The following GLIS3 variants were observed in gnomAD, a reference collection of about 807,000 sequenced individuals.
The protein encoded by GLIS3 is GLIS family zinc finger 3.
GLIS3 carries 53 observed loss-of-function variants against 78.6 expected under a neutral mutation model. That is an observed-to-expected ratio of 0.67 (90% CI 0.54 to 0.85). The LOEUF (loss-of-function observed/expected upper bound fraction) is 0.85. Ranked by LOEUF, GLIS3 falls within the 40% of genes least tolerant of loss-of-function variation. The pLI is 0.00. For missense variants in GLIS3, 1,703 were observed against 1,231.1 expected (o/e 1.38, Z -5.74); for synonymous variants, 684 against 509.9 (o/e 1.34, Z -4.60).
At chr9:4,327,781 G>C (rs887101163) in intron 2 of GLIS3, among the ~76,000 whole-genome samples, 15 of 152,206 alleles carry the variant, frequency 9.9e-5, no homozygotes, top group African/African-American at 2.9e-4. Flanking sequence ...CAGTAGGCAA[G>C]AAGTGTCTCC....
At chr9:4,147,955 A>G (rs1016786539) in intron 2 of GLIS3, among the ~76,000 whole-genome samples, 2 of 152,232 alleles carry the variant, frequency 1.3e-5, no homozygotes, top group Non-Finnish European at 2.9e-5. Flanking sequence ...TTCATTTTGC[A>G]CACATCTCTA....
At position 4,137,388 on chromosome 9, in the gene GLIS3, T is replaced by C. The variant is rs575828971; in HGVS notation, c.389-11447A>G. Among the ~76,000 whole-genome samples the C allele has an allele frequency of 1.8e-3, 270 of 152,332 alleles. 2 individuals are homozygous for C. Among genetic ancestry groups the C allele is most frequent in the African/African-American group, 6.3e-3 (264 of 41,576 alleles). On this transcript the variant is annotated intron_variant, in intron 2 of 10. Transcript: ENST00000381971. ...TTTCATACCAACATTCTTCCAACCT[T>C]AGTCAGCATTCAGGAATGCTGTCCA... is the stretch of plus-strand genomic sequence containing the variant.
chr9:3,828,501 G>T (rs1817853648), intron 10 of GLIS3, 93 bp from the exon 11 acceptor site: 1 of 1,534,352 alleles, frequency 6.5e-7, no homozygotes, highest in Admixed American at 1.7e-5. Context: ...ACCAAGTGAG[G>T]ACTGGGGGCT....
At chr9:4,036,272 CTT>C (rs574580834) in intron 4 of GLIS3, among the ~76,000 whole-genome samples, 1 of 149,888 alleles carries the variant, frequency 6.7e-6, no homozygotes, top group African/African-American at 2.4e-5. Flanking sequence ...AATCAAATCT[CTT>C]TTTTTTTTCT....
chr9:4,255,263 G>C (rs541798120), intron 2 of GLIS3, among the ~76,000 whole-genome samples: 2 of 152,284 alleles, frequency 1.3e-5, no homozygotes, highest in East Asian at 3.9e-4. Context: ...AGTGCTGGTG[G>C]GTATGCAAAA....
chr9:4,069,243 G>T (rs963319675), intron 4 of GLIS3, among the ~76,000 whole-genome samples: 2 of 152,148 alleles, frequency 1.3e-5, no homozygotes, highest in African/African-American at 4.8e-5. Flanking sequence ...TTGTCTTCCA[G>T]ATTTTGAGAC....
intron 2 of GLIS3, among the ~76,000 whole-genome samples, chr9:4,262,958 C>T (rs1264844173): frequency 6.9e-6 from 1 of 145,280 alleles, no homozygotes; most frequent in African/African-American, 2.6e-5. Flanking sequence ...AAAAAAAAAT[C>T]CCACAGCCTC....
intron 4 of GLIS3, among the ~76,000 whole-genome samples, chr9:4,035,432 C>G (rs1009800379): frequency 6.6e-6 from 1 of 151,480 alleles, no homozygotes; most frequent in Non-Finnish European, 1.5e-5. Context: ...TACCTCTCAC[C>G]TATCTCGTAT....
intron 4 of GLIS3, among the ~76,000 whole-genome samples, chr9:4,010,087 G>A (rs551775594): frequency 5.9e-5 from 9 of 152,036 alleles, no homozygotes; most frequent in African/African-American, 9.7e-5. Context: ...AGCACCCTCC[G>A]AGTTGTGGCA....
the GLIS3 span, among the ~76,000 whole-genome samples, chr9:4,385,571 C>G: frequency 2.0e-5 from 3 of 149,308 alleles, no homozygotes; most frequent in African/African-American, 7.4e-5. Flanking sequence ...AGGCCGAGGC[C>G]GGAGAAATGC....
At chr9:4,306,220 C>A (rs1817224328) in intron 4 of GLIS3, among the ~76,000 whole-genome samples, 1 of 151,642 alleles carries the variant, frequency 6.6e-6, no homozygotes, top group Non-Finnish European at 1.5e-5. Context: ...GCTGGGACTA[C>A]AGGTGCGTGC....
At chr9:4,076,796 C>G (rs911074268) in intron 4 of GLIS3, among the ~76,000 whole-genome samples, 1 of 152,178 alleles carries the variant, frequency 6.6e-6, no homozygotes, top group African/African-American at 2.4e-5. Context: ...GGGGCTCACA[C>G]CTGCAATCTC....
intron 4 of GLIS3, among the ~76,000 whole-genome samples, chr9:4,027,892 C>G (rs910734970): frequency 6.6e-6 from 1 of 152,156 alleles, no homozygotes; most frequent in Non-Finnish European, 1.5e-5. Flanking sequence ...GCTCTTAAAC[C>G]CCCTCAGCTT....
chr9:4,189,208 G>A (rs918502106), intron 2 of GLIS3, among the ~76,000 whole-genome samples: 6 of 151,918 alleles, frequency 3.9e-5, no homozygotes, highest in East Asian at 3.9e-4. Context: ...CTTTGTTCTC[G>A]TTGGTTTCAA....
intron 2 of GLIS3, among the ~76,000 whole-genome samples, chr9:4,250,267 T>C (rs140041277): frequency 3.3e-5 from 5 of 152,092 alleles, no homozygotes; most frequent in Non-Finnish European, 7.4e-5. Flanking sequence ...TTTTGGTTGG[T>C]AGGCTATTAT....
intron 2 of GLIS3, among the ~76,000 whole-genome samples, chr9:4,137,203 G>A (rs1833466857): frequency 6.6e-6 from 1 of 152,088 alleles, no homozygotes; most frequent in African/African-American, 2.4e-5. Flanking sequence ...TGGGAGAGGG[G>A]GGCCATATAA....
At chr9:4,115,557 T>C (rs1831574771) in intron 4 of GLIS3, among the ~76,000 whole-genome samples, 1 of 152,140 alleles carries the variant, frequency 6.6e-6, no homozygotes. Flanking sequence ...ATTCTATCTG[T>C]GGATTACAAC....
At chr9:4,092,888 CTTTAT>C (rs1829643719) in intron 4 of GLIS3, among the ~76,000 whole-genome samples, 1 of 152,126 alleles carries the variant, frequency 6.6e-6, no homozygotes, top group Non-Finnish European at 1.5e-5. Flanking sequence ...ACTATATGTG[CTTTAT>C]TTTTATACAA....
At chr9:4,429,678 A>G in the GLIS3 span, among the ~76,000 whole-genome samples, 3 of 152,168 alleles carry the variant, frequency 2.0e-5, no homozygotes. Flanking sequence ...TCATGAGGAT[A>G]GAGACTGAGT....
Sources: gnomAD v4.1 joint callset for allele counts (sites outside exome capture counted in the v4.1 genomes callset) on GRCh38, gnomAD v4.1.1 for gene constraint, MANE v1.5 for transcripts, NCBI Gene and HGNC (gene_info 2026-07-23, HGNC 2026-07-21) for gene names.